AOAH: variants seen among roughly 807,000 people sequenced by gnomAD.
AOAH encodes the protein acyloxyacyl hydrolase (neutrophil).
AOAH carries 64 observed loss-of-function variants against 92.2 expected under a neutral mutation model. That is an observed-to-expected ratio of 0.69 (90% CI 0.57 to 0.86). The LOEUF is 0.86. Ranked by LOEUF, AOAH falls within the 40% of genes least tolerant of loss-of-function variation. The probability of loss-of-function intolerance (pLI) is 0.00; values close to 1 mark genes in which losing one functional copy is unlikely to be tolerated. For synonymous variants in AOAH, 263 were observed against 254.5 expected, an observed-to-expected ratio of 1.03 and a Z score of -0.32; for missense variants, 656 against 694.6, an observed-to-expected ratio of 0.94 and a Z score of 0.62.
At chr7:36,548,745 A>T in intron 14 of AOAH, 59 bp from the exon 15 acceptor site, 5 of 1,460,072 alleles carry the variant, frequency 3.4e-6, no homozygotes, top group South Asian at 1.1e-5. Flanking sequence ...CTTTGTAGCC[A>T]GTGACACAGG....
intron 6 of AOAH, 126 bp from the exon 7 acceptor site, chr7:36,623,376 C>G (rs964543672): frequency 5.0e-6 from 4 of 806,538 alleles, no homozygotes; most frequent in Non-Finnish European, 5.9e-6. Context: ...CCATTCTAAA[C>G]AGAAAATTAA....
intron 11 of AOAH, among the ~76,000 whole-genome samples, chr7:36,603,451 C>G (rs1484335353): frequency 6.6e-6 from 1 of 152,186 alleles, no homozygotes. Context: ...CCTGCCCCGG[C>G]CTTTCTCTCT....
At chr7:36,679,903 G>A (rs973734121) in intron 2 of AOAH, among the ~76,000 whole-genome samples, 5 of 152,052 alleles carry the variant, frequency 3.3e-5, no homozygotes, top group South Asian at 4.1e-4. Context: ...TGATCCGCCC[G>A]CCTTGGCCTC....
intron 13 of AOAH, among the ~76,000 whole-genome samples, chr7:36,568,462 C>T: frequency 6.6e-6 from 1 of 152,212 alleles, no homozygotes; most frequent in East Asian, 1.9e-4. Context: ...GGAGCTGTTC[C>T]TCACTCTTGC....
At chr7:36,697,057 T>C (rs1797762921) in intron 1 of AOAH, among the ~76,000 whole-genome samples, 1 of 152,180 alleles carries the variant, frequency 6.6e-6, no homozygotes, top group Non-Finnish European at 1.5e-5. Context: ...TTAAACTGAA[T>C]AGAATCTTGA....
Position 36,516,298 on chromosome 7 carries a change from CCA to C in AOAH, c.1600-2920_1600-2919del, listed in dbSNP as rs1261490841. 6.9e-6 allele frequency among the ~76,000 whole-genome samples: 1 copy of C among 144,624 alleles called. No individual in the cohort carries two copies. The highest frequency in any genetic ancestry group is 2.2e-4 in the South Asian group (1 of 4,446). 94.9% of individuals were successfully genotyped at this position (144,624 alleles called of 152,430 possible). On this transcript the variant is annotated intron_variant, in intron 20 of 20. Coordinates refer to ENST00000617537, the MANE Select transcript of AOAH (RefSeq NM_001637.4). This position sits in a 1 kb window ranked among gnomAD's most constrained non-coding sequence, Gnocchi z 5.0. ...ACACATATAACATACACACACCCCC[CCA>C]CACAGATACCACACACACACACACA...
intron 20 of AOAH, chr7:36,514,663 A>C: frequency 9.4e-7 from 1 of 1,069,214 alleles, no homozygotes; most frequent in Admixed American, 2.0e-5. Flanking sequence ...CCATCTCAAC[A>C]GTGGTTTTCA....
chr7:36,693,641 G>A (rs556887546), intron 1 of AOAH, among the ~76,000 whole-genome samples: 10 of 152,220 alleles, frequency 6.6e-5, no homozygotes, highest in African/African-American at 2.2e-4. Context: ...CAAGTTTGGA[G>A]TCTGGATTGA....
At chr7:36,567,659 T>C (rs563021831) in intron 13 of AOAH, among the ~76,000 whole-genome samples, 18 of 152,272 alleles carry the variant, frequency 1.2e-4, no homozygotes, top group Admixed American at 3.3e-4. Context: ...GTAAAACATA[T>C]GATTAACCGT....
intron 1 of AOAH, among the ~76,000 whole-genome samples, chr7:36,717,727 A>ATTTTTTTT (rs10624883): frequency 1.2e-4 from 15 of 122,744 alleles, no homozygotes; most frequent in Non-Finnish European, 2.0e-4. Context: ...TTCTCTTCTT[A>ATTTTTTTT]TTTTTTTTTT....
intron 7 of AOAH, among the ~76,000 whole-genome samples, chr7:36,622,830 G>C (rs1792375646): frequency 6.6e-6 from 1 of 152,136 alleles, no homozygotes; most frequent in South Asian, 2.1e-4. Context: ...CAGATCACTT[G>C]AAGTCAGGAG....
chr7:36,567,668 G>A (rs769870563), intron 13 of AOAH, among the ~76,000 whole-genome samples: 7 of 152,164 alleles, frequency 4.6e-5, no homozygotes, highest in Non-Finnish European at 8.8e-5. Flanking sequence ...ATGATTAACC[G>A]TCTAGGGCCT....
At chr7:36,530,810 G>A (rs1784647974) in intron 18 of AOAH, 1 of 261,212 alleles carries the variant, frequency 3.8e-6, no homozygotes. Flanking sequence ...GTTGTCATGG[G>A]TAGGTGAATG....
chr7:36,519,533 C>T (rs1049541779), intron 20 of AOAH, among the ~76,000 whole-genome samples: 36 of 152,178 alleles, frequency 2.4e-4, no homozygotes, highest in Admixed American at 3.9e-4. Flanking sequence ...TGGGTTCAAG[C>T]GATTCTCCTG....
At chr7:36,518,469 A>T (rs1324658546) in intron 20 of AOAH, among the ~76,000 whole-genome samples, 2 of 152,164 alleles carry the variant, frequency 1.3e-5, no homozygotes, top group African/African-American at 4.8e-5. Flanking sequence ...CTTTTATCAT[A>T]TACCCTCCAC....
chr7:36,548,758 G>T, intron 14 of AOAH, 72 bp from the exon 15 acceptor site: 1 of 1,396,564 alleles, frequency 7.2e-7, no homozygotes, highest in Non-Finnish European at 1.0e-6. Context: ...GACACAGGCT[G>T]GGCCTTTGAA....
intron 1 of AOAH, among the ~76,000 whole-genome samples, chr7:36,716,792 G>C (rs1366780853): frequency 6.6e-6 from 1 of 151,448 alleles, no homozygotes; most frequent in African/African-American, 2.4e-5. Context: ...ATGGACACAG[G>C]AAGGGGAACA....
At chr7:36,705,656 A>C (rs1308557101) in intron 1 of AOAH, among the ~76,000 whole-genome samples, 3 of 152,182 alleles carry the variant, frequency 2.0e-5, no homozygotes, top group Non-Finnish European at 4.4e-5. Context: ...TACGGAACCA[A>C]AAAAGAGCCC....
At chr7:36,555,722 A>G (rs2116401310) in intron 13 of AOAH, among the ~76,000 whole-genome samples, 1 of 152,256 alleles carries the variant, frequency 6.6e-6, no homozygotes, top group African/African-American at 2.4e-5. Context: ...GGGAGAGCGT[A>G]TGTGTCAAGG....
Sources: allele counts gnomAD v4.1 joint callset (sites outside exome capture counted in the v4.1 genomes callset), GRCh38; gene constraint gnomAD v4.1.1; non-coding constraint Gnocchi (gnomAD v3.1); transcripts MANE v1.5; gene names NCBI Gene and HGNC (gene_info 2026-07-23, HGNC 2026-07-21).